The following TSC22D1 variants were observed in gnomAD, a reference collection of about 807,000 sequenced individuals.
TSC22D1 encodes TSC22 domain family protein 1.
A neutral mutation model predicts 74.2 loss-of-function variants in TSC22D1; 9 were observed. The ratio of observed to expected loss-of-function variants is 0.12; its 90% CI spans 0.07 to 0.21. The LOEUF is 0.21. TSC22D1 is among the 10% of genes least tolerant of loss of function. The probability of loss-of-function intolerance (pLI) is 1.00; values close to 1 mark genes in which losing one functional copy is unlikely to be tolerated. For synonymous variants in TSC22D1, 586 were observed against 492.5 expected (o/e 1.19, Z -2.51); for missense variants, 1,427 against 1,304.7 (o/e 1.09, Z -1.44).
intron 1 of TSC22D1, among the ~76,000 whole-genome samples, chr13:44,528,558 A>G (rs1880666021): frequency 6.6e-6 from 1 of 152,066 alleles, no homozygotes; most frequent in Non-Finnish European, 1.5e-5. Context: ...AGGGAAATTT[A>G]TAACACTGAA....
chr13:44,471,932 A>G (rs1877628874), intron 1 of TSC22D1, among the ~76,000 whole-genome samples: 1 of 152,220 alleles, frequency 6.6e-6, no homozygotes, highest in African/African-American at 2.4e-5. Flanking sequence ...GCAGATCCAC[A>G]TTGTATACAC....
At chr13:44,516,148 G>A (rs1289342981) in intron 1 of TSC22D1, among the ~76,000 whole-genome samples, 1 of 152,142 alleles carries the variant, frequency 6.6e-6, no homozygotes, top group Non-Finnish European at 1.5e-5. Context: ...GTAGTATGCA[G>A]TATCCCCGGA....
chr13:44,548,233 G>A (rs916070933), intron 1 of TSC22D1, among the ~76,000 whole-genome samples: 3 of 152,160 alleles, frequency 2.0e-5, no homozygotes, highest in African/African-American at 4.8e-5. Context: ...TATATAGACT[G>A]GGGCTGGGCG....
intron 1 of TSC22D1, chr13:44,436,396 C>T (rs1054162369): frequency 9.5e-6 from 13 of 1,365,554 alleles, no homozygotes; most frequent in Middle Eastern, 1.9e-4. Context: ...TCCATGTCAC[C>T]ATAATCTCTC....
At chr13:44,572,649 T>C (rs903602618) in intron 1 of TSC22D1, among the ~76,000 whole-genome samples, 4 of 152,164 alleles carry the variant, frequency 2.6e-5, no homozygotes, top group African/African-American at 9.7e-5. Context: ...GAGGGCAACC[T>C]ATATAACCCA....
intron 1 of TSC22D1, among the ~76,000 whole-genome samples, chr13:44,448,409 G>A (rs956873680): frequency 6.6e-6 from 1 of 152,036 alleles, no homozygotes; most frequent in South Asian, 2.1e-4. Flanking sequence ...GTCATTAGAG[G>A]CAGTCTCTTG....
intron 1 of TSC22D1, chr13:44,537,620 T>C: frequency 1.0e-6 from 1 of 984,814 alleles, no homozygotes; most frequent in Non-Finnish European, 1.2e-6. Flanking sequence ...TTATATGTGT[T>C]TGTAAACCAA....
intron 2 of TSC22D1, chr13:44,435,713 C>A: frequency 2.6e-6 from 1 of 382,292 alleles, no homozygotes; most frequent in Non-Finnish European, 4.8e-6. Context: ...AAAGCCACAT[C>A]GCTAAAGGTG....
intron 1 of TSC22D1, among the ~76,000 whole-genome samples, chr13:44,547,384 T>C (rs960371308): frequency 6.6e-6 from 1 of 152,108 alleles, no homozygotes; most frequent in Non-Finnish European, 1.5e-5. Flanking sequence ...GAAGATAATA[T>C]GTGAGAGATC....
intron 1 of TSC22D1, among the ~76,000 whole-genome samples, chr13:44,455,994 G>C (rs539226500): frequency 1.3e-5 from 2 of 152,312 alleles, no homozygotes; most frequent in East Asian, 3.9e-4. Context: ...TACTCAAAAA[G>C]TACAAGGTGC....
At chr13:44,509,950 C>CAAAAAAAAAAAAAAAAAAAAGA (rs1879617459) in intron 1 of TSC22D1, among the ~76,000 whole-genome samples, 21 of 51,434 alleles carry the variant, frequency 4.1e-4, no homozygotes, top group African/African-American at 7.5e-4. Context: ...AGAAAATAAG[C>CAAAAAAAAAAAAAAAAAAAAGA]AAAAAAAAAA....
chr13:44,436,665 AGG>A, intron 1 of TSC22D1: 1 of 1,599,212 alleles, frequency 6.3e-7, no homozygotes, highest in Non-Finnish European at 8.5e-7. Context: ...GGAAAAAAAG[AGG>A]GAACACCAGC....
At chr13:44,501,746 C>G (rs1212150678) in intron 1 of TSC22D1, among the ~76,000 whole-genome samples, 2 of 152,094 alleles carry the variant, frequency 1.3e-5, no homozygotes, top group African/African-American at 4.8e-5. Flanking sequence ...TGTATCAAAG[C>G]CTCATAAATT....
chr13:44,491,125 C>T (rs937549739), intron 1 of TSC22D1, among the ~76,000 whole-genome samples: 10 of 151,988 alleles, frequency 6.6e-5, no homozygotes, highest in African/African-American at 1.9e-4. Context: ...CAAGATGGTG[C>T]CACTGCACTC....
intron 1 of TSC22D1, among the ~76,000 whole-genome samples, chr13:44,551,154 C>G (rs1476376052): frequency 6.6e-6 from 1 of 151,816 alleles, no homozygotes; most frequent in Admixed American, 6.6e-5. Context: ...ACCTGCAGTC[C>G]TGGTTACTCA....
chr13:44,439,522 G>A (rs540628487), intron 1 of TSC22D1, among the ~76,000 whole-genome samples: 2 of 152,324 alleles, frequency 1.3e-5, no homozygotes, highest in Admixed American at 6.5e-5. Context: ...CAAGACAAAC[G>A]ATCCATATGT....
chr13:44,478,809 C>A (rs1878041599), intron 1 of TSC22D1, among the ~76,000 whole-genome samples: 2 of 151,978 alleles, frequency 1.3e-5, no homozygotes, highest in Admixed American at 6.6e-5. Flanking sequence ...TCAAACAGCA[C>A]TAGGTAGGGA....
At chr13:44,536,875 C>A in intron 1 of TSC22D1, 1 of 970,916 alleles carries the variant, frequency 1.0e-6, no homozygotes, top group Non-Finnish European at 1.2e-6. Flanking sequence ...CATACATTCA[C>A]TGGTGACCCC....
intron 2 of TSC22D1, chr13:44,435,211 G>T (rs1201075125): frequency 9.1e-6 from 2 of 220,950 alleles, no homozygotes; most frequent in Non-Finnish European, 1.8e-5. Context: ...GCCACAGCGC[G>T]CCCACCGCGT....
Sources: allele counts gnomAD v4.1 joint callset (sites outside exome capture counted in the v4.1 genomes callset), GRCh38; gene constraint gnomAD v4.1.1; transcripts MANE v1.5; gene names NCBI Gene and HGNC (gene_info 2026-07-23, HGNC 2026-07-21).